PRIMA1: variants seen among roughly 807,000 people sequenced by gnomAD.
The protein encoded by PRIMA1 is proline-rich membrane anchor 1.
PRIMA1 carries 7 observed loss-of-function variants against 17.5 expected under a neutral mutation model. The ratio of observed to expected loss-of-function variants is 0.40; its 90% CI spans 0.23 to 0.75. The LOEUF (loss-of-function observed/expected upper bound fraction) is 0.75. Among genes scored for constraint, PRIMA1 ranks in the 30% least tolerant of loss-of-function variants. The pLI is 0.37. For missense variants in PRIMA1, 200 were observed against 201.8 expected, an observed-to-expected ratio of 0.99 and a Z score of 0.05; for synonymous variants, 97 against 77.9, an observed-to-expected ratio of 1.25 and a Z score of -1.29.
Position 93,777,397 on chromosome 14 carries a change from C to T in PRIMA1, c.229+1779G>A, listed in dbSNP as rs545504734. ...TGTGGCCCAGGCTGGAGTGCAGTGG[C>T]GCAATCTTGGTTCACTGCAACCTCC... On this transcript the variant is annotated intron_variant, in intron 3 of 4. Transcript: ENST00000393140. 5.3e-5 allele frequency among the ~76,000 whole-genome samples: 8 copies of T among 152,252 alleles called. No individual in the cohort carries two copies. The South Asian group carries it at 1.5e-3, about 28-fold the overall frequency.
chr14:93,788,242 C>G (rs1885585771), intron 1 of PRIMA1, among the ~76,000 whole-genome samples, 168 bp downstream of exon 1: 1 of 152,214 alleles, frequency 6.6e-6, no homozygotes, highest in Non-Finnish European at 1.5e-5. Context: ...AAATCTCACG[C>G]TGCCTGCACC....
intron 4 of PRIMA1, chr14:93,725,732 A>G (rs1197055089): frequency 8.7e-6 from 3 of 345,290 alleles, no homozygotes; most frequent in African/African-American, 4.3e-5. Context: ...GTGCTCCATA[A>G]ATGTTTGTTA....
At chr14:93,780,052 C>A (rs1320338583) in intron 2 of PRIMA1, among the ~76,000 whole-genome samples, 2 of 152,266 alleles carry the variant, frequency 1.3e-5, no homozygotes, top group African/African-American at 4.8e-5. Flanking sequence ...ACCTCTCCGG[C>A]CCCACCTCGT....
intron 2 of PRIMA1, among the ~76,000 whole-genome samples, chr14:93,779,661 G>T (rs1393719049): frequency 6.6e-6 from 1 of 152,172 alleles, no homozygotes; most frequent in Non-Finnish European, 1.5e-5. Flanking sequence ...CTGCCCAAGG[G>T]TCTCACATTT....
intron 3 of PRIMA1, among the ~76,000 whole-genome samples, chr14:93,758,643 A>G (rs2076307706): frequency 6.7e-6 from 1 of 149,926 alleles, no homozygotes; most frequent in South Asian, 2.1e-4. Flanking sequence ...AATAATCGAC[A>G]TTCAAAAGCA....
At chr14:93,747,020 C>T (rs945138698) in intron 3 of PRIMA1, among the ~76,000 whole-genome samples, 1 of 152,140 alleles carries the variant, frequency 6.6e-6, no homozygotes, top group African/African-American at 2.4e-5. Flanking sequence ...CCGGACTCTG[C>T]GTTGAGAATC....
intron 3 of PRIMA1, among the ~76,000 whole-genome samples, chr14:93,748,489 A>G (rs1417278263): frequency 1.3e-5 from 2 of 152,198 alleles, no homozygotes; most frequent in African/African-American, 4.8e-5. Context: ...GCGACGTTCA[A>G]GCTGAGCCCG....
chr14:93,737,749 C>T (rs2076160347), intron 3 of PRIMA1, among the ~76,000 whole-genome samples: 1 of 152,228 alleles, frequency 6.6e-6, no homozygotes, highest in South Asian at 2.1e-4. Flanking sequence ...TCATGGCTGG[C>T]CCCCAGCCAG....
rs2076021941 is a variant in PRIMA1 at position 93,719,277 on chromosome 14, G to A, written c.*2167C>T. 1 of 152,210 alleles carries A rather than the reference G, an allele frequency of 6.6e-6. No individual in the cohort carries two copies. The highest frequency in any genetic ancestry group is 1.5e-5 in the Non-Finnish European group (1 of 68,062). The allele number at this position is 152,210 out of a possible 1,614,324, so 9.4% of individuals were successfully genotyped here. A position where few individuals can be genotyped will look rare whatever the true frequency, so the allele number is the denominator to read the frequency against. ...TTCCTCACCAGGGAGCCTCGCCTGGGGCTGGAAGATTAGGCTAACTGCAAA... is the reference window on the plus strand; with the variant it reads ...TTCCTCACCAGGGAGCCTCGCCTGGAGCTGGAAGATTAGGCTAACTGCAAA... On this transcript the variant is annotated 3_prime_UTR_variant, in exon 5 of 5. Transcript: ENST00000393140.
rs951817906 is a variant in PRIMA1 at position 93,770,233 on chromosome 14, T to C, written c.229+8943A>G. Among the ~76,000 whole-genome samples the C allele has an allele frequency of 3.3e-5, 5 of 152,264 alleles. No homozygotes were observed. In the South Asian group the frequency reaches 8.3e-4, roughly 25 times the overall value. On this transcript the variant is annotated intron_variant, in intron 3 of 4. Transcript: ENST00000393140. Reference sequence around the variant, plus strand: ...TCCTCACTGGGCTCCCAGCCTCCACTCTTCCCCTTCCTTCCACTCTCCAGA... The same window carrying C: ...TCCTCACTGGGCTCCCAGCCTCCACCCTTCCCCTTCCTTCCACTCTCCAGA...
chr14:93,788,202 C>T (rs944812908), intron 1 of PRIMA1, among the ~76,000 whole-genome samples: 1 of 152,216 alleles, frequency 6.6e-6, no homozygotes, highest in Non-Finnish European at 1.5e-5. Flanking sequence ...CTGCCTGCAC[C>T]CTCGCTGACC....
At chr14:93,757,614 C>T (rs1051533723) in intron 3 of PRIMA1, among the ~76,000 whole-genome samples, 4 of 151,780 alleles carry the variant, frequency 2.6e-5, no homozygotes, top group Non-Finnish European at 5.9e-5. Flanking sequence ...TTGAAGGCCA[C>T]GTGGTGACAG....
At chr14:93,778,738 C>T (rs770018144) in intron 3 of PRIMA1, among the ~76,000 whole-genome samples, 6 of 152,210 alleles carry the variant, frequency 3.9e-5, no homozygotes, top group Non-Finnish European at 8.8e-5. Flanking sequence ...ATTTGGTGCA[C>T]ATAGCTGAAT....
chr14:93,787,505 A>G (rs1427765270), intron 2 of PRIMA1, 121 bp downstream of exon 2: 5 of 1,415,880 alleles, frequency 3.5e-6, no homozygotes, highest in East Asian at 2.5e-5. Context: ...TTCTTTTCCC[A>G]AGCTCTTCCG....
rs923302606 is a variant in PRIMA1, at chr14:93,720,831, T to C, written c.*613A>G. 2.6e-5 allele frequency: 4 copies of C among 152,358 alleles called. No homozygotes were observed. Among genetic ancestry groups the C allele is most frequent in the Non-Finnish European group, 5.9e-5 (4 of 68,190 alleles). The allele number at this position is 152,358 out of a possible 1,614,324, so 9.4% of individuals were successfully genotyped here. A position where few individuals can be genotyped will look rare whatever the true frequency, so the allele number is the denominator to read the frequency against. ...ACTCACAGCCCTCCATGGCAGGCAG[T>C]CAGGAGCCTAGGGTGTAGGGTGTCA... On this transcript the variant is annotated 3_prime_UTR_variant, in exon 5 of 5. Coordinates refer to ENST00000393140, the MANE Select transcript of PRIMA1 (RefSeq NM_178013.4).
At chr14:93,747,007 G>A (rs1041228018) in intron 3 of PRIMA1, among the ~76,000 whole-genome samples, 12 of 152,302 alleles carry the variant, frequency 7.9e-5, no homozygotes, top group Admixed American at 5.9e-4. Flanking sequence ...AAAGCAGCTG[G>A]GGCCGGACTC....
In PRIMA1 at chr14:93,718,915, T is replaced by G. The variant is rs1466995085; in HGVS notation, c.*2529A>C. ...TGAGGATCGGTGTGTGTCTAGAGACTGCCGGCTCATTTTAAATAAAAGTTC... is the reference window on the plus strand; with the variant it reads ...TGAGGATCGGTGTGTGTCTAGAGACGGCCGGCTCATTTTAAATAAAAGTTC... On this transcript the variant is annotated 3_prime_UTR_variant, in exon 5 of 5. Coordinates refer to ENST00000393140, the MANE Select transcript of PRIMA1 (RefSeq NM_178013.4). The G allele has an allele frequency of 6.6e-6, 1 of 152,318 alleles. No individual in the cohort carries two copies. Among genetic ancestry groups the G allele is most frequent in the Non-Finnish European group, 1.5e-5 (1 of 68,038 alleles). 9.4% of individuals were successfully genotyped at this position (152,318 alleles called of 1,614,324 possible).
At chr14:93,737,606 G>A (rs542453534) in intron 3 of PRIMA1, among the ~76,000 whole-genome samples, 59 of 151,662 alleles carry the variant, frequency 3.9e-4, no homozygotes, top group African/African-American at 6.8e-4. Flanking sequence ...TAACAGAGGC[G>A]TGGGGAGGTC....
intron 4 of PRIMA1, among the ~76,000 whole-genome samples, chr14:93,729,993 T>A (rs559820454): frequency 6.6e-6 from 1 of 152,088 alleles, no homozygotes; most frequent in Admixed American, 6.5e-5. Flanking sequence ...GTGCATGTTA[T>A]TTACACCAAA....
Sources: allele counts gnomAD v4.1 joint callset (sites outside exome capture counted in the v4.1 genomes callset), GRCh38; gene constraint gnomAD v4.1.1; transcripts MANE v1.5; gene names NCBI Gene and HGNC (gene_info 2026-07-23, HGNC 2026-07-21).